The following OGA variants were observed in gnomAD, a reference collection of about 807,000 sequenced individuals.
The protein encoded by OGA is protein O-GlcNAcase.
In OGA, 21 loss-of-function variants were observed where a neutral mutation model predicts 102.0. The observed-to-expected ratio is 0.21, with a 90% CI of 0.15 to 0.30. The LOEUF (loss-of-function observed/expected upper bound fraction) is 0.30, where lower values mean the gene tolerates loss of function less well. Ranked by LOEUF, OGA falls within the 10% of genes least tolerant of loss-of-function variation. The probability of loss-of-function intolerance (pLI) is 1.00; values close to 1 mark genes in which losing one functional copy is unlikely to be tolerated. For missense variants in OGA, 765 were observed against 1,107.8 expected (o/e 0.69, Z 4.39); for synonymous variants, 408 against 378.2 (o/e 1.08, Z -0.91).
chr10:101,818,421 A>C lies in OGA; in HGVS notation c.-399T>G, dbSNP rs1195577258. 2 of 1,009,100 alleles carry C rather than the reference A, an allele frequency of 2.0e-6. No homozygotes were observed. The highest frequency in any genetic ancestry group is 5.8e-5 in the Admixed American group (1 of 17,134). 62.5% of individuals were successfully genotyped at this position (1,009,100 alleles called of 1,614,324 possible). Reference sequence around the variant, plus strand: ...GAGCTCTCCCTCTGCTGCTGCCTCCACCGCCCGCTTCCTGTTTATCCGCAC... The same window carrying C: ...GAGCTCTCCCTCTGCTGCTGCCTCCCCCGCCCGCTTCCTGTTTATCCGCAC... On this transcript the variant is annotated 5_prime_UTR_variant, in exon 1 of 16. Transcript: ENST00000361464.
In OGA at chr10:101,787,503, A is replaced by G. The variant is rs199745742; in HGVS notation, c.2475T>C (p.His825=). The G allele has an allele frequency of 1.2e-6, 2 of 1,609,982 alleles. No individual in the cohort carries two copies. The highest frequency in any genetic ancestry group is 1.7e-6 in the Non-Finnish European group (2 of 1,176,688). ...TTTCTGGCAGTACTTCCTGTTCTTC[A>G]TGGAAACTCAACATTATTTTCTGGA... is the stretch of plus-strand genomic sequence containing the variant. ...SEAEKIMLSF[H]EEQEVLPETF... Residue 825 remains histidine, a synonymous_variant, in exon 15 of 16, where the codon CAT becomes CAC. Coordinates refer to ENST00000361464, the MANE Select transcript of OGA (RefSeq NM_012215.5).
chr10:101,813,004 T>A (rs774323229), intron 3 of OGA, 26 bp downstream of exon 3: 1 of 1,505,818 alleles, frequency 6.6e-7, no homozygotes. Context: ...AGATTTTGAA[T>A]TTATGGATAA....
At position 101,808,328 on chromosome 10, in the gene OGA, T is replaced by C. The variant is rs1246765291; in HGVS notation, c.481-427A>G. 6.6e-5 allele frequency among the ~76,000 whole-genome samples: 10 copies of C among 152,202 alleles called. 2 individuals are homozygous for C. In the South Asian group the frequency reaches 1.0e-3, roughly 16 times the overall value. On this transcript the variant is annotated intron_variant, in intron 4 of 15. Transcript: ENST00000361464. Reference sequence around the variant, plus strand: ...TTCTGAATTAGGGATACTCAACTTATATGACAATATGATCCAACAAAGTGG... The same window carrying C: ...TTCTGAATTAGGGATACTCAACTTACATGACAATATGATCCAACAAAGTGG...
intron 15 of OGA, among the ~76,000 whole-genome samples, chr10:101,786,969 G>A (rs555331673): frequency 4.6e-5 from 7 of 151,894 alleles, no homozygotes; most frequent in Non-Finnish European, 1.0e-4. Flanking sequence ...GGCTGGTCTC[G>A]ATCTCTTGAC....
intron 10 of OGA, among the ~76,000 whole-genome samples, chr10:101,795,237 A>T (rs2065301231): frequency 6.6e-6 from 1 of 152,188 alleles, no homozygotes; most frequent in Non-Finnish European, 1.5e-5. Flanking sequence ...ACTACAACAT[A>T]ACTAGCACTT....
intron 14 of OGA, among the ~76,000 whole-genome samples, chr10:101,788,421 GAAAAAAAAAAA>G (rs767434249): frequency 2.0e-5 from 2 of 102,274 alleles, no homozygotes; most frequent in Non-Finnish European, 4.1e-5. Context: ...CCTGGGCGGG[GAAAAAAAAAAA>G]AAAAAAAAAA....
intron 10 of OGA, among the ~76,000 whole-genome samples, chr10:101,795,009 A>G (rs980532757): frequency 6.6e-6 from 1 of 152,218 alleles, no homozygotes; most frequent in African/African-American, 2.4e-5. Flanking sequence ...ATTCAGGCCC[A>G]TTAAGAGTTT....
At chr10:101,792,806 A>G (rs201872384) in intron 12 of OGA, 33 bp downstream of exon 12, 1 of 1,467,678 alleles carries the variant, frequency 6.8e-7, no homozygotes, top group East Asian at 2.3e-5. Context: ...CACCATACCC[A>G]TACACCAAGT....
intron 11 of OGA, chr10:101,793,580 T>G (rs2065282555): frequency 5.8e-6 from 1 of 170,990 alleles, no homozygotes; most frequent in Admixed American, 6.1e-5. Context: ...ATTACTATCT[T>G]TTGTTCATGG....
At chr10:101,807,475 T>G (rs2065491478) in intron 5 of OGA, among the ~76,000 whole-genome samples, 2 of 152,224 alleles carry the variant, frequency 1.3e-5, no homozygotes, top group Admixed American at 1.3e-4. Context: ...CTATCCCTCT[T>G]TTAATATTGA....
chr10:101,793,858 A>G, intron 11 of OGA, 55 bp downstream of exon 11: 3 of 1,341,568 alleles, frequency 2.2e-6, no homozygotes, highest in Non-Finnish European at 2.1e-6. Context: ...GCGCAACATA[A>G]GGTTTCTCAT....
Position 101,798,163 on chromosome 10 carries a change from G to C in OGA, c.1810-9C>G. The stretch of plus-strand genomic sequence containing the variant: ...GACCGCCATTCTTCAATCTATTGAA[G>C]ATCAATAAAAAGACTCAAAAAACTG... On this transcript the variant is annotated splice_polypyrimidine_tract_variant and intron_variant, in intron 9 of 15. Coordinates refer to ENST00000361464, the MANE Select transcript of OGA (RefSeq NM_012215.5). 8.7e-6 allele frequency: 14 copies of C among 1,610,766 alleles called. No homozygotes were observed. Among genetic ancestry groups the C allele is most frequent in the Non-Finnish European group, 1.2e-5 (14 of 1,178,624 alleles).
intron 5 of OGA, among the ~76,000 whole-genome samples, chr10:101,807,180 C>G (rs538574461): frequency 6.6e-6 from 1 of 152,130 alleles, no homozygotes; most frequent in South Asian, 2.1e-4. Context: ...TCTTCCTGAA[C>G]AAGGAAGTGT....
intron 3 of OGA, among the ~76,000 whole-genome samples, chr10:101,811,002 T>C (rs971344867): frequency 2.6e-5 from 4 of 152,202 alleles, no homozygotes; most frequent in African/African-American, 9.6e-5. Flanking sequence ...TGCTTTTTTT[T>C]TTTGTTTTGC....
At chr10:101,803,348 T>C (rs1278180637) in intron 7 of OGA, among the ~76,000 whole-genome samples, 4 of 151,880 alleles carry the variant, frequency 2.6e-5, no homozygotes, top group African/African-American at 9.7e-5. Flanking sequence ...CTGAACCATA[T>C]TTTATTTTTA....
chr10:101,802,343 T>C (rs1056431175), intron 7 of OGA, among the ~76,000 whole-genome samples: 1 of 152,134 alleles, frequency 6.6e-6, no homozygotes, highest in East Asian at 1.9e-4. Flanking sequence ...TATAGTACAA[T>C]TGCCTATAAG....
At chr10:101,811,406 G>GA (rs67433227) in intron 3 of OGA, among the ~76,000 whole-genome samples, 4,071 of 45,704 alleles carry the variant, frequency 0.089, 368 homozygotes, top group African/African-American at 0.13. Context: ...GAAAAAAAAT[G>GA]AAAAAAAAAA....
intron 10 of OGA, among the ~76,000 whole-genome samples, chr10:101,795,328 C>T (rs983050626): frequency 6.6e-6 from 1 of 152,178 alleles, no homozygotes; most frequent in Non-Finnish European, 1.5e-5. Context: ...GCTGCGCAAA[C>T]GTGACTTCAG....
intron 11 of OGA, 89 bp downstream of exon 11, chr10:101,793,824 G>T: frequency 2.0e-6 from 2 of 986,308 alleles, no homozygotes; most frequent in Non-Finnish European, 3.1e-6. Flanking sequence ...GCCTTCGGCA[G>T]ACCAATCCTT....
Sources: gnomAD v4.1 joint callset for allele counts (sites outside exome capture counted in the v4.1 genomes callset) on GRCh38, gnomAD v4.1.1 for gene constraint, MANE v1.5 for transcripts, NCBI Gene and HGNC (gene_info 2026-07-23, HGNC 2026-07-21) for gene names.